KMT2C: variants seen among roughly 807,000 people sequenced by gnomAD.
KMT2C encodes histone-lysine N-methyltransferase 2C.
KMT2C carries 88 observed loss-of-function variants against 507.9 expected under a neutral mutation model. That is an observed-to-expected ratio of 0.17 (90% CI 0.15 to 0.21). The LOEUF is 0.21. KMT2C is among the 10% of genes least tolerant of loss of function. The pLI is 1.00. For missense variants in KMT2C, 4,954 were observed against 5,957.8 expected, an observed-to-expected ratio of 0.83 and a Z score of 5.55; for synonymous variants, 2,049 against 2,080.8, an observed-to-expected ratio of 0.98 and a Z score of 0.42.
chr7:152,226,219 CTT>C (rs869076803), intron 18 of KMT2C, among the ~76,000 whole-genome samples: 125 of 94,926 alleles, frequency 1.3e-3, no homozygotes, highest in African/African-American at 5.0e-3. Context: ...ATTACAAGGC[CTT>C]TTTTTTTTTT....
intron 1 of KMT2C, among the ~76,000 whole-genome samples, chr7:152,389,430 G>A (rs62495507): frequency 0.054 from 5,445 of 100,510 alleles, no homozygotes; most frequent in Non-Finnish European, 0.058. Context: ...CTAGCAAACT[G>A]ATAGGAGAGG....
intron 1 of KMT2C, among the ~76,000 whole-genome samples, chr7:152,410,552 T>C (rs1006417753): frequency 1.4e-4 from 21 of 152,118 alleles, no homozygotes; most frequent in African/African-American, 5.1e-4. Context: ...CACTCCAGCC[T>C]GGGCGACAGA....
chr7:152,202,340 G>GGCCTTAAAC (rs1159293462), intron 26 of KMT2C, among the ~76,000 whole-genome samples: 1 of 152,072 alleles, frequency 6.6e-6, no homozygotes, highest in Non-Finnish European at 1.5e-5. Context: ...CGTATCACAT[G>GGCCTTAAAC]GCCTTAAACT....
intron 38 of KMT2C, among the ~76,000 whole-genome samples, chr7:152,174,984 T>C (rs1218984780): frequency 6.6e-6 from 1 of 152,212 alleles, no homozygotes; most frequent in Non-Finnish European, 1.5e-5. Context: ...AAATTCATCC[T>C]TCCATGACTG....
intron 12 of KMT2C, 72 bp downstream of exon 12, chr7:152,250,781 G>A: frequency 1.2e-6 from 1 of 823,766 alleles, no homozygotes; most frequent in Non-Finnish European, 2.0e-6. Context: ...TGAAGTTTTA[G>A]TCAATATTCA....
intron 14 of KMT2C, 114 bp from the exon 15 acceptor site, chr7:152,238,940 T>G (rs1171484869): frequency 4.5e-5 from 47 of 1,042,268 alleles, no homozygotes; most frequent in Admixed American, 8.2e-5. Context: ...TATGGAAATT[T>G]AGGACAAATT....
At chr7:152,200,413 G>C (rs2094101220) in intron 26 of KMT2C, among the ~76,000 whole-genome samples, 1 of 152,172 alleles carries the variant, frequency 6.6e-6, no homozygotes, top group Admixed American at 6.5e-5. Context: ...AAGAAAGTAA[G>C]TTGAATTACA....
At chr7:152,139,284 T>C in intron 56 of KMT2C, 25 bp from the exon 57 acceptor site, 1 of 1,607,538 alleles carries the variant, frequency 6.2e-7, no homozygotes, top group Non-Finnish European at 8.5e-7. Context: ...AGTCAGTAAG[T>C]CATCAATGTC....
chr7:152,322,649 T>C (rs972483703), intron 3 of KMT2C, among the ~76,000 whole-genome samples: 7 of 151,972 alleles, frequency 4.6e-5, no homozygotes, highest in African/African-American at 1.7e-4. Context: ...GGGCAATAAC[T>C]TTTTGGATAT....
At chr7:152,230,880 C>T (rs1191348627) in intron 16 of KMT2C, among the ~76,000 whole-genome samples, 3 of 152,112 alleles carry the variant, frequency 2.0e-5, no homozygotes, top group Admixed American at 6.6e-5. Context: ...TGTAATGGCG[C>T]GATCTCGGCT....
In KMT2C at chr7:152,156,187, T is replaced by G; in HGVS notation, c.11812+18A>C. 3.1e-6 allele frequency: 5 copies of G among 1,612,954 alleles called. No homozygotes were observed. The highest frequency in any genetic ancestry group is 4.2e-6 in the Non-Finnish European group (5 of 1,179,100). ...GCACATTTCTCCGAGGTGTGAAATT[T>G]GGAGGCTATAATCATACCTTCATGG... is the stretch of plus-strand genomic sequence containing the variant. On this transcript the variant is annotated intron_variant, in intron 45 of 58. Coordinates refer to ENST00000262189, the MANE Select transcript of KMT2C (RefSeq NM_170606.3).
At chr7:152,271,141 C>A (rs2095959332) in intron 7 of KMT2C, among the ~76,000 whole-genome samples, 1 of 152,126 alleles carries the variant, frequency 6.6e-6, no homozygotes, top group African/African-American at 2.4e-5. Flanking sequence ...TCATTGTTTT[C>A]ATTTAACCCT....
chr7:152,434,517 T>A (rs1053437841), intron 1 of KMT2C, among the ~76,000 whole-genome samples: 1 of 152,140 alleles, frequency 6.6e-6, no homozygotes, highest in African/African-American at 2.4e-5. Context: ...AGAAACAGCC[T>A]ATCCATAAAC....
At chr7:152,328,219 C>A (rs73730041) in intron 3 of KMT2C, among the ~76,000 whole-genome samples, 5,832 of 152,208 alleles carry the variant, frequency 0.038, 383 homozygotes, top group African/African-American at 0.13. Flanking sequence ...AATGTTCAAA[C>A]CTCCCAAAAA....
intron 38 of KMT2C, 150 bp from the exon 39 acceptor site, chr7:152,174,392 T>A: frequency 1.8e-6 from 1 of 551,970 alleles, no homozygotes; most frequent in Non-Finnish European, 3.2e-6. Context: ...TTTAATCGCA[T>A]CTCAGTAGTC....
Position 152,358,801 on chromosome 7 carries a change from C to A in KMT2C, c.162-126G>T. ...ATAAGTAATTAGGGCATTTTTCCAG[C>A]ATTTTACCATATCAAGTAGAAAATA... On this transcript the variant is annotated intron_variant, in intron 1 of 58. Coordinates refer to ENST00000262189, the MANE Select transcript of KMT2C (RefSeq NM_170606.3). 2 of 606,088 alleles carry A rather than the reference C, an allele frequency of 3.3e-6. 1 individual carries two copies. Among genetic ancestry groups the A allele is most frequent in the South Asian group, 4.6e-5 (2 of 43,538 alleles). 37.5% of individuals were successfully genotyped at this position (606,088 alleles called of 1,614,324 possible).
intron 53 of KMT2C, 84 bp downstream of exon 53, chr7:152,146,515 C>CTGTAA: frequency 2.2e-6 from 3 of 1,351,852 alleles, no homozygotes; most frequent in Non-Finnish European, 2.1e-6. Context: ...CTGAAGAGTG[C>CTGTAA]CACAAATGTT....
Position 152,181,552 on chromosome 7 carries a change from G to C in KMT2C, c.6308C>G (p.Pro2103Arg), listed in dbSNP as rs370231890. The C allele has an allele frequency of 1.9e-5, 30 of 1,613,898 alleles. No individual in the cohort carries two copies. Among genetic ancestry groups the C allele is most frequent in the African/African-American group, 8.0e-5 (6 of 74,888 alleles). ...ATGGGCAAAAGATTCATTCACTGCT[G>C]GATGTGGGGTAAGGGGAGGCTGACT... is the stretch of plus-strand genomic sequence containing the variant. ...PYSQPPLTPH[P>R]AVNESFAHPS... Residue 2103 changes from proline to arginine, a missense_variant, in exon 36 of 59, where the codon CCA becomes CGA. Physicochemically the swap from Pro to Arg is moderately radical, Grantham distance 103. Transcript: ENST00000262189.
chr7:152,220,187 GTAT>G (rs1214319779), intron 23 of KMT2C: 1 of 273,196 alleles, frequency 3.7e-6, no homozygotes, highest in Non-Finnish European at 7.0e-6. Flanking sequence ...CTGAAACATG[GTAT>G]TATCCAAGCT....
Sources: gnomAD v4.1 joint callset for allele counts (sites outside exome capture counted in the v4.1 genomes callset) on GRCh38, gnomAD v4.1.1 for gene constraint, MANE v1.5 for transcripts, NCBI Gene and HGNC (gene_info 2026-07-23, HGNC 2026-07-21) for gene names.